PRKCSH: variants seen among roughly 807,000 people sequenced by gnomAD.
PRKCSH encodes the protein PRKCSH beta subunit of glucosidase II, also known as glucosidase 2 subunit beta.
In PRKCSH, 42 loss-of-function variants were observed where a neutral mutation model predicts 79.7. The observed-to-expected ratio is 0.53, with a 90% confidence interval of 0.41 to 0.68. The LOEUF is 0.68. PRKCSH is among the 30% of genes least tolerant of loss of function. The pLI is 0.00. For synonymous variants in PRKCSH, 325 were observed against 288.2 expected (o/e 1.13, Z -1.29); for missense variants, 686 against 709.0 (o/e 0.97, Z 0.37).
chr19:11,442,393 T>A lies in PRKCSH; in HGVS notation c.476T>A (p.Leu159His), dbSNP rs774251595. Residue 159 changes from leucine (L) to histidine (H), a missense_variant, in exon 7 of 18, where the codon CTC (leucine) becomes CAC (histidine). Leu to His is a moderately conservative substitution (Grantham distance 99). Transcript: ENST00000677123. ...TGCCTTCTGCCCACCCAGAAAAAGC[T>A]CATTGAGCTACAGGCTGGGAAGAAG... ...KKAREEKQKKLIELQAGKKSL... is the reference protein window; with the variant it reads ...KKAREEKQKKHIELQAGKKSL... The A allele has an allele frequency of 6.2e-7, 1 of 1,602,180 alleles. No individual in the cohort carries two copies. The highest frequency in any genetic ancestry group is 1.1e-5 in the South Asian group (1 of 89,332).
intron 5 of PRKCSH, 120 bp from the exon 6 acceptor site, chr19:11,441,120 C>T (rs1970041940): frequency 4.1e-6 from 4 of 974,674 alleles, no homozygotes; most frequent in African/African-American, 1.6e-5. Context: ...AAGGCTTGCT[C>T]TCATCTTTCC....
intron 7 of PRKCSH, among the ~76,000 whole-genome samples, chr19:11,443,631 A>C (rs1476444295): frequency 1.3e-5 from 2 of 151,944 alleles, no homozygotes; most frequent in Non-Finnish European, 2.9e-5. Flanking sequence ...AATCGCTGGA[A>C]CCCGGGAGAC....
At chr19:11,436,804 G>C in intron 3 of PRKCSH, 1 of 411,070 alleles carries the variant, frequency 2.4e-6, no homozygotes, top group Non-Finnish European at 4.6e-6. Flanking sequence ...GAGACAGGGT[G>C]GGGCCAAGAG....
intron 3 of PRKCSH, 64 bp downstream of exon 3, chr19:11,436,569 C>G: frequency 7.7e-7 from 1 of 1,306,104 alleles, no homozygotes; most frequent in East Asian, 2.5e-5. Flanking sequence ...CAGGCCCTGT[C>G]TGTGTGACCA....
chr19:11,442,328 G>T (rs1970099209), intron 6 of PRKCSH, 58 bp from the exon 7 acceptor site: 10 of 1,541,456 alleles, frequency 6.5e-6, no homozygotes, highest in Non-Finnish European at 8.8e-6. Flanking sequence ...GGAGGTAGTA[G>T]TCAATGAGGA....
chr19:11,447,257 C>T lies in PRKCSH; in HGVS notation c.849+97C>T. 6.8e-7 allele frequency: 1 copy of T among 1,460,562 alleles called. No homozygotes were observed. The highest frequency in any genetic ancestry group is 9.4e-7 in the Non-Finnish European group (1 of 1,058,628). The allele number at this position is 1,460,562 out of a possible 1,614,324, so 90.5% of individuals were successfully genotyped here. A position where few individuals can be genotyped will look rare whatever the true frequency, so the allele number is the denominator to read the frequency against. ...GCCTCTGGTTCTGGCACCTGGCCAC[C>T]CTGGCCAGCTGGGTGGCCCCAGCAC... On this transcript the variant is annotated intron_variant, in intron 10 of 17. Transcript: ENST00000677123. This position sits in a 1 kb window ranked among gnomAD's most constrained non-coding sequence, Gnocchi z 5.6.
chr19:11,445,844 C>T (rs1970271215), intron 8 of PRKCSH: 2 of 420,872 alleles, frequency 4.8e-6, no homozygotes, highest in East Asian at 5.0e-5. Context: ...GGAGGGTGGA[C>T]TTTTGGGGGC....
intron 7 of PRKCSH, among the ~76,000 whole-genome samples, chr19:11,444,490 G>A (rs1425903560): frequency 1.3e-5 from 2 of 152,164 alleles, no homozygotes; most frequent in African/African-American, 4.8e-5. Context: ...GTGTCAGCCG[G>A]GTCTCCTGGG....
Position 11,442,403 on chromosome 19 carries a change from A to T in PRKCSH, c.486A>T (p.Leu162=). The part of the protein sequence containing the change: ...REEKQKKLIE[L]QAGKKSLEDQ... Reference sequence around the variant, plus strand: ...CCACCCAGAAAAAGCTCATTGAGCTACAGGCTGGGAAGAAGTCTCTGGAAG... The same window carrying T: ...CCACCCAGAAAAAGCTCATTGAGCTTCAGGCTGGGAAGAAGTCTCTGGAAG... Residue 162 remains leucine, a synonymous_variant, in exon 7 of 18, where the codon CTA becomes CTT. Coordinates refer to ENST00000677123, the MANE Select transcript of PRKCSH (RefSeq NM_001289104.2). The T allele has an allele frequency of 2.5e-6, 4 of 1,607,074 alleles. No individual in the cohort carries two copies. Among genetic ancestry groups the T allele is most frequent in the Non-Finnish European group, 3.4e-6 (4 of 1,176,820 alleles).
Position 11,448,993 on chromosome 19 carries a change from G to A in PRKCSH, c.1361+5G>A, listed in dbSNP as rs1371914266. 4 of 1,613,876 alleles carry A rather than the reference G, an allele frequency of 2.5e-6. No individual in the cohort carries two copies. Among genetic ancestry groups the A allele is most frequent in the East Asian group, 2.2e-5 (1 of 44,892 alleles). ...GGGCTCTCCCACCAGCCTTGGGTGA[G>A]TGGCTTGGGCTGGCCCCTTCCCTCT... On this transcript the variant is annotated splice_donor_5th_base_variant and intron_variant, in intron 15 of 17. Coordinates refer to ENST00000677123, the MANE Select transcript of PRKCSH (RefSeq NM_001289104.2). The surrounding 1 kb of genome is among the most constrained non-coding windows in gnomAD (Gnocchi z 4.4).
chr19:11,446,090 C>T (rs111373224), intron 8 of PRKCSH, among the ~76,000 whole-genome samples, 182 bp from the exon 9 acceptor site: 19 of 151,790 alleles, frequency 1.3e-4, no homozygotes, highest in African/African-American at 4.6e-4. Flanking sequence ...ACTTTGAGCT[C>T]CTTTGGGGTC....
At chr19:11,439,684 G>A (rs937087447) in intron 5 of PRKCSH, among the ~76,000 whole-genome samples, 3 of 145,174 alleles carry the variant, frequency 2.1e-5, no homozygotes, top group Non-Finnish European at 4.5e-5. Context: ...GCAGTGGCGC[G>A]ATCTCGGCTC....
rs1970342543 is a variant in PRKCSH, at chr19:11,447,091, C to G, written c.780C>G (p.Asp260Glu). 1 of 1,614,010 alleles carries G rather than the reference C, an allele frequency of 6.2e-7. No individual in the cohort carries two copies. The highest frequency in any genetic ancestry group is 8.5e-7 in the Non-Finnish European group (1 of 1,179,892). The change falls in exon 10 of 18, where the codon GAC (aspartate) becomes GAG (glutamate). Residue 260 changes from aspartate (D) to glutamate (E), a missense_variant. By Grantham distance (45) the Asp-to-Glu change is conservative (BLOSUM62 2). Coordinates refer to ENST00000677123, the MANE Select transcript of PRKCSH (RefSeq NM_001289104.2). This position sits in a 1 kb window ranked among gnomAD's most constrained non-coding sequence, Gnocchi z 5.6. ...ACACACAGGCCCTCCTCAGTGGGGA[C>G]ACACAGACAGACGCCACCTCTTTCT... ...EAEAQALLSGDTQTDATSFYD... is the reference protein window; with the variant it reads ...EAEAQALLSGETQTDATSFYD...
At chr19:11,446,127 G>A (rs987421431) in intron 8 of PRKCSH, 145 bp from the exon 9 acceptor site, 52 of 787,774 alleles carry the variant, frequency 6.6e-5, no homozygotes, top group African/African-American at 8.5e-5. Context: ...GGGGCAGGAG[G>A]GTGGGGAGGC....
chr19:11,447,098 A>C lies in PRKCSH; in HGVS notation c.787A>C (p.Thr263Pro). 1 of 1,613,966 alleles carries C rather than the reference A, an allele frequency of 6.2e-7. No individual in the cohort carries two copies. The highest frequency in any genetic ancestry group is 8.5e-7 in the Non-Finnish European group (1 of 1,179,890). ...AQALLSGDTQ[T>P]DATSFYDRVW... The stretch of plus-strand genomic sequence containing the variant: ...GGCCCTCCTCAGTGGGGACACACAG[A>C]CAGACGCCACCTCTTTCTACGACCG... The change falls in exon 10 of 18, where the codon ACA becomes CCA. Residue 263 changes from threonine (T) to proline (P), a missense_variant. This residue lies in a region of PRKCSH where 549 missense variants were observed against 520.2 expected (regional missense o/e 1.06). Transcript: ENST00000677123. The surrounding 1 kb of genome is among the most constrained non-coding windows in gnomAD (Gnocchi z 5.6).
chr19:11,438,930 CAG>C (rs1420618018), intron 5 of PRKCSH, among the ~76,000 whole-genome samples: 1 of 151,682 alleles, frequency 6.6e-6, no homozygotes, highest in Admixed American at 6.6e-5. Flanking sequence ...TTTTTTGAGA[CAG>C]GGTCTCACTC....
rs1200537589 is a variant in PRKCSH, at chr19:11,449,984, A to G, written c.*16+556A>G. ...CTCAGCCTCCTGAGTAATTGGGACT[A>G]CAGGCGCCGCCACCACGCCTGGCTA... On this transcript the variant is annotated intron_variant, in intron 17 of 17. Coordinates refer to ENST00000677123, the MANE Select transcript of PRKCSH (RefSeq NM_001289104.2). This position sits in a 1 kb window ranked among gnomAD's most constrained non-coding sequence, Gnocchi z 6.4. 1 of 161,048 alleles carries G rather than the reference A, an allele frequency of 6.2e-6. No homozygotes were observed. The highest frequency in any genetic ancestry group is 2.4e-5 in the African/African-American group (1 of 40,834). 10.0% of individuals were successfully genotyped at this position (161,048 alleles called of 1,614,324 possible).
chr19:11,437,218 T>G, intron 3 of PRKCSH, among the ~76,000 whole-genome samples: 1 of 148,394 alleles, frequency 6.7e-6, no homozygotes, highest in African/African-American at 2.5e-5. Flanking sequence ...TTTTGTATTT[T>G]TAGTAGATAC....
chr19:11,436,580 A>G (rs1170609537), intron 3 of PRKCSH, 75 bp downstream of exon 3: 1 of 1,188,282 alleles, frequency 8.4e-7, no homozygotes, highest in Admixed American at 2.0e-5. Flanking sequence ...TGTGTGACCA[A>G]GATACTACCT....
Sources: allele counts gnomAD v4.1 joint callset (sites outside exome capture counted in the v4.1 genomes callset), GRCh38; gene constraint gnomAD v4.1.1; regional missense constraint gnomAD v4.1.1; non-coding constraint Gnocchi (gnomAD v3.1); transcripts MANE v1.5; gene names NCBI Gene and HGNC (gene_info 2026-07-23, HGNC 2026-07-21).